Variants in GALNT2 observed in about 807,000 individuals in gnomAD.
The protein encoded by GALNT2 is UDP-GalNAc:polypeptide N-acetylgalactosaminyltransferase 2.
Under a neutral mutation model 81.4 loss-of-function variants are expected in GALNT2, and 31 were observed. The observed-to-expected ratio is 0.38, with a 90% CI of 0.29 to 0.51. The LOEUF (loss-of-function observed/expected upper bound fraction) is 0.51. GALNT2 is among the 20% of genes least tolerant of loss of function. The pLI is 0.87. For missense variants in GALNT2, 629 were observed against 765.7 expected (o/e 0.82, Z 2.11); for synonymous variants, 303 against 287.4 (o/e 1.05, Z -0.55).
intron 2 of GALNT2, among the ~76,000 whole-genome samples, chr1:230,180,359 T>C (rs1431823610): frequency 6.8e-6 from 1 of 146,950 alleles, no homozygotes; most frequent in African/African-American, 2.5e-5. Flanking sequence ...AAACATTTGC[T>C]GAAGAGACTC....
chr1:230,110,714 G>GTTTTTTTTTTTTTTTTTTTTTTTTTT (rs113630188), intron 1 of GALNT2, among the ~76,000 whole-genome samples: 1 of 137,658 alleles, frequency 7.3e-6, no homozygotes, highest in Non-Finnish European at 1.6e-5. Context: ...GTGCTTTTCT[G>GTTTTTTTTTTTTTTTTTTTTTTTTTT]TTTTTTTTTT....
intron 2 of GALNT2, among the ~76,000 whole-genome samples, chr1:230,195,371 G>T (rs1028168813): frequency 1.3e-5 from 2 of 152,218 alleles, no homozygotes; most frequent in African/African-American, 4.8e-5. Context: ...CCTGGCAAGA[G>T]GGTTTTAGAA....
intron 14 of GALNT2, among the ~76,000 whole-genome samples, chr1:230,270,680 G>A (rs1326563124): frequency 2.6e-5 from 4 of 152,178 alleles, no homozygotes; most frequent in South Asian, 2.1e-4. Flanking sequence ...AAACGAGAGG[G>A]TAAGTAATAT....
chr1:230,189,717 G>C (rs578102235), intron 2 of GALNT2, among the ~76,000 whole-genome samples: 1 of 152,148 alleles, frequency 6.6e-6, no homozygotes, highest in Non-Finnish European at 1.5e-5. Context: ...GGCATTAAGC[G>C]CATTCACAGT....
intron 13 of GALNT2, 101 bp from the exon 14 acceptor site, chr1:230,265,140 C>T (rs893309320): frequency 6.2e-5 from 94 of 1,512,294 alleles, no homozygotes; most frequent in Non-Finnish European, 8.3e-5. Context: ...GTCTTTCTCT[C>T]GTTCCTGTCA....
intron 2 of GALNT2, among the ~76,000 whole-genome samples, chr1:230,182,883 C>T (rs1663204558): frequency 6.6e-6 from 1 of 152,156 alleles, no homozygotes; most frequent in South Asian, 2.1e-4. Context: ...GCAGTTCTAT[C>T]TATCATGAAC....
At chr1:230,157,634 T>C (rs896833557) in intron 1 of GALNT2, among the ~76,000 whole-genome samples, 14 of 152,204 alleles carry the variant, frequency 9.2e-5, no homozygotes, top group Admixed American at 8.5e-4. Context: ...GAATGCAGCA[T>C]GTGGCGGGAT....
At chr1:230,083,209 C>T (rs1426402422) in intron 1 of GALNT2, among the ~76,000 whole-genome samples, 5 of 119,138 alleles carry the variant, frequency 4.2e-5, no homozygotes, top group African/African-American at 1.3e-4. Flanking sequence ...GATGATGGAG[C>T]GGGGGGGCCA....
chr1:230,187,165 A>G (rs897244606), intron 2 of GALNT2, among the ~76,000 whole-genome samples: 7 of 152,228 alleles, frequency 4.6e-5, no homozygotes, highest in African/African-American at 4.8e-5. Context: ...CAGATGAAGG[A>G]GCCAGATCTA....
At chr1:230,133,453 T>TC (rs1302245272) in intron 1 of GALNT2, among the ~76,000 whole-genome samples, 1 of 150,988 alleles carries the variant, frequency 6.6e-6, no homozygotes, top group African/African-American at 2.4e-5. Context: ...TTTTTTCTTT[T>TC]TTTTTTTTTT....
intron 1 of GALNT2, among the ~76,000 whole-genome samples, chr1:230,160,571 G>A (rs184806753): frequency 1.3e-4 from 20 of 152,180 alleles, no homozygotes; most frequent in Middle Eastern, 6.8e-3. Context: ...AAAATTAGCC[G>A]GTCGTGGTAG....
At chr1:230,250,366 A>C in intron 9 of GALNT2, 91 bp from the exon 10 acceptor site, 1 of 865,798 alleles carries the variant, frequency 1.2e-6, no homozygotes, top group Non-Finnish European at 1.9e-6. Flanking sequence ...ATTGTTAGGG[A>C]ATCAAGGCTT....
At chr1:230,249,524 G>C (rs1428602768) in intron 9 of GALNT2, among the ~76,000 whole-genome samples, 2 of 152,242 alleles carry the variant, frequency 1.3e-5, no homozygotes, top group Non-Finnish European at 2.9e-5. Flanking sequence ...ATTCCTGTAT[G>C]TTGATAATGT....
At chr1:230,075,325 C>T (rs1425852257) in intron 1 of GALNT2, among the ~76,000 whole-genome samples, 1 of 151,924 alleles carries the variant, frequency 6.6e-6, no homozygotes, top group Non-Finnish European at 1.5e-5. Flanking sequence ...AGGGTTTCAC[C>T]ACCCAGGCTG....
intron 1 of GALNT2, among the ~76,000 whole-genome samples, chr1:230,126,458 C>T (rs1661178960): frequency 6.6e-6 from 1 of 152,116 alleles, no homozygotes; most frequent in Non-Finnish European, 1.5e-5. Flanking sequence ...TGACCTTTGT[C>T]TTATATCATA....
intron 2 of GALNT2, among the ~76,000 whole-genome samples, chr1:230,178,719 C>T (rs891569698): frequency 6.6e-6 from 1 of 151,934 alleles, no homozygotes; most frequent in South Asian, 2.1e-4. Flanking sequence ...TGTCAGTATC[C>T]CCCAACAGAG....
upstream of GALNT2, among the ~76,000 whole-genome samples, chr1:230,062,836 G>A (rs558777958): frequency 2.3e-4 from 35 of 152,166 alleles, no homozygotes; most frequent in Non-Finnish European, 4.3e-4. Context: ...ACAAATATCC[G>A]TTTGAGTCGC....
intron 10 of GALNT2, among the ~76,000 whole-genome samples, chr1:230,252,920 C>G (rs1665594543): frequency 7.8e-6 from 1 of 128,036 alleles, no homozygotes; most frequent in Non-Finnish European, 1.5e-5. Context: ...ATTCTTGGCT[C>G]ACCGCAACGT....
chr1:230,218,612 C>T (rs1171132627), intron 3 of GALNT2, among the ~76,000 whole-genome samples: 1 of 152,194 alleles, frequency 6.6e-6, no homozygotes, highest in Non-Finnish European at 1.5e-5. Flanking sequence ...CCAAGTGGAA[C>T]TGTCCAGTAG....
Sources: allele counts gnomAD v4.1 joint callset (sites outside exome capture counted in the v4.1 genomes callset), GRCh38; gene constraint gnomAD v4.1.1; transcripts MANE v1.5; gene names NCBI Gene and HGNC (gene_info 2026-07-23, HGNC 2026-07-21).